Variants in OGA observed in about 807,000 individuals in gnomAD.
OGA encodes the protein O-GlcNAcase, also known as protein O-GlcNAcase.
OGA carries 21 observed loss-of-function variants against 102.0 expected under a neutral mutation model. That is an observed-to-expected ratio of 0.21 (90% CI 0.15 to 0.30). OGA has a LOEUF of 0.30. Ranked by LOEUF, OGA falls within the 10% of genes least tolerant of loss-of-function variation. The pLI is 1.00. For missense variants in OGA, 765 were observed against 1,107.8 expected (o/e 0.69, Z 4.39); for synonymous variants, 408 against 378.2 (o/e 1.08, Z -0.91).
At chr10:101,814,868 C>G (rs1589842789) in intron 1 of OGA, among the ~76,000 whole-genome samples, 1 of 152,292 alleles carries the variant, frequency 6.6e-6, no homozygotes, top group East Asian at 1.9e-4. Flanking sequence ...AACTCGCAGA[C>G]CGATAACCTA....
chr10:101,788,457 G>A (rs1244856110), intron 14 of OGA, among the ~76,000 whole-genome samples: 2 of 151,152 alleles, frequency 1.3e-5, no homozygotes, highest in Non-Finnish European at 2.9e-5. Flanking sequence ...TTCTGGCCAG[G>A]CGTGGTGGCT....
chr10:101,799,117 G>C lies in OGA; in HGVS notation c.1534C>G (p.Pro512Ala). 2 of 1,614,168 alleles carry C rather than the reference G, an allele frequency of 1.2e-6. No homozygotes were observed. The highest frequency in any genetic ancestry group is 1.7e-6 in the Non-Finnish European group (2 of 1,180,030). The change falls in exon 9 of 16, where the codon CCA (proline) becomes GCA (alanine). Residue 512 changes from proline (P) to alanine (A), a missense_variant. Physicochemically the swap from Pro to Ala is conservative, Grantham distance 27 (BLOSUM62 -1). This residue lies in a region of OGA where 281 missense variants were observed against 345.8 expected (regional missense o/e 0.81). Transcript: ENST00000361464. ...DKESIAESKS[P>A]EMSMQEDCIS... is the part of the protein sequence containing the mutation. ...CAATCTTCTTGCATGGACATCTCTG[G>C]GGATTTTGATTCAGCTATGCTCTCT...
chr10:101,790,265 G>GTTTTT (rs869235919), intron 14 of OGA, among the ~76,000 whole-genome samples: 14 of 86,426 alleles, frequency 1.6e-4, no homozygotes, highest in South Asian at 4.7e-4. Flanking sequence ...ATAATATCTT[G>GTTTTT]TTTTTTTTTT....
intron 6 of OGA, among the ~76,000 whole-genome samples, 197 bp downstream of exon 6, chr10:101,805,848 G>C (rs536842114): frequency 3.8e-4 from 58 of 152,078 alleles, no homozygotes; most frequent in African/African-American, 1.3e-3. Context: ...CCAGCTACTC[G>C]GGAGGCTGAG....
In OGA at chr10:101,818,411, T is replaced by C. The variant is rs370866400; in HGVS notation, c.-389A>G. ...TCCAAGCCCCGAGCTCTCCCTCTGC[T>C]GCTGCCTCCACCGCCCGCTTCCTGT... On this transcript the variant is annotated 5_prime_UTR_variant, in exon 1 of 16. Transcript: ENST00000361464. 2 of 1,018,170 alleles carry C rather than the reference T, an allele frequency of 2.0e-6. No homozygotes were observed. Among genetic ancestry groups the C allele is most frequent in the Admixed American group, 5.7e-5 (1 of 17,524 alleles). 63.1% of individuals were successfully genotyped at this position (1,018,170 alleles called of 1,614,324 possible). A position where few individuals can be genotyped will look rare whatever the true frequency, so the allele number is the denominator to read the frequency against.
rs752025208 is a variant in OGA at position 101,799,304 on chromosome 10, A to AGTAGGC, written c.1341_1346dup (p.Pro448_Thr449dup). The AGTAGGC allele has an allele frequency of 6.2e-7, 1 of 1,614,112 alleles. No homozygotes were observed. Among genetic ancestry groups the AGTAGGC allele is most frequent in the Non-Finnish European group, 8.5e-7 (1 of 1,180,008 alleles). On this transcript the variant is annotated inframe_insertion, in exon 9 of 16. Coordinates refer to ENST00000361464, the MANE Select transcript of OGA (RefSeq NM_012215.5). ...TCTTTTCTTCTTCCTTGGTCAGAGT[A>AGTAGGC]GTAGGCTCACCACTCAAGGCTGCTC...
In OGA at chr10:101,786,496, CATTTTTGCA is replaced by C; in HGVS notation, c.2697_2705del (p.Ile899_Lys901del). On this transcript the variant is annotated inframe_deletion, in exon 16 of 16. Coordinates refer to ENST00000361464, the MANE Select transcript of OGA (RefSeq NM_012215.5). Reference sequence around the variant, plus strand: ...TAACCACATCCTTTGGAAATCCTTCCATTTTTGCAATTTCAAAACATCCTAACTTGCTGT... The same window carrying C: ...TAACCACATCCTTTGGAAATCCTTCCATTTCAAAACATCCTAACTTGCTGT... 6.2e-7 allele frequency: 1 copy of C among 1,612,598 alleles called. No individual in the cohort carries two copies. Among genetic ancestry groups the C allele is most frequent in the Non-Finnish European group, 8.5e-7 (1 of 1,179,390 alleles).
intron 6 of OGA, among the ~76,000 whole-genome samples, 157 bp from the exon 7 acceptor site, chr10:101,804,176 T>C (rs1202594353): frequency 6.6e-6 from 1 of 151,850 alleles, no homozygotes; most frequent in Admixed American, 6.6e-5. Context: ...AGACCCTATC[T>C]TTTTATTTTA....
Position 101,817,903 on chromosome 10 carries a change from G to A in OGA, c.120C>T (p.Asp40=). The A allele has an allele frequency of 1.9e-6, 3 of 1,566,516 alleles. No homozygotes were observed. Among genetic ancestry groups the A allele is most frequent in the Middle Eastern group, 2.1e-4 (1 of 4,756 alleles). The change falls in exon 1 of 16, where the codon GAC becomes GAT. Residue 40 remains aspartate (D), a synonymous_variant. Coordinates refer to ENST00000361464, the MANE Select transcript of OGA (RefSeq NM_012215.5). ...EPPAAPAPGE[D]NPAGAGGAAV... is the part of the protein sequence containing the mutation. ...CCGCTCCCCCAGCCCCGGCGGGGTT[G>A]TCTTCTCCGGGTGCCGGAGCTGCCG...
intron 10 of OGA, chr10:101,797,205 AGCCT>A (rs1369382755): frequency 6.6e-6 from 1 of 152,166 alleles, no homozygotes; most frequent in African/African-American, 2.4e-5. Context: ...CATGTCAGTC[AGCCT>A]TGCTGCCTGC....
At position 101,785,306 on chromosome 10, in the gene OGA, A is replaced by C. The variant is rs1024812438; in HGVS notation, c.*1145T>G. The C allele has an allele frequency of 6.6e-6, 1 of 152,332 alleles. No homozygotes were observed. The highest frequency in any genetic ancestry group is 2.4e-5 in the African/African-American group (1 of 41,468). 9.4% of individuals were successfully genotyped at this position (152,332 alleles called of 1,614,324 possible). A position where few individuals can be genotyped will look rare whatever the true frequency, so the allele number is the denominator to read the frequency against. On this transcript the variant is annotated 3_prime_UTR_variant, in exon 16 of 16. Coordinates refer to ENST00000361464, the MANE Select transcript of OGA (RefSeq NM_012215.5). ...AAAGGTAACTGTAAATAACTGGTTAAAGTGTGCTCATTCATTCAGAAATTA... is the reference window on the plus strand; with the variant it reads ...AAAGGTAACTGTAAATAACTGGTTACAGTGTGCTCATTCATTCAGAAATTA...
intron 7 of OGA, 150 bp from the exon 8 acceptor site, chr10:101,800,550 T>C (rs1253921549): frequency 1.6e-6 from 1 of 630,008 alleles, no homozygotes; most frequent in Non-Finnish European, 2.7e-6. Flanking sequence ...AAAATTCAAA[T>C]AAAAGCAAGA....
At chr10:101,811,846 T>C (rs2065562642) in intron 3 of OGA, among the ~76,000 whole-genome samples, 2 of 152,228 alleles carry the variant, frequency 1.3e-5, no homozygotes, top group Non-Finnish European at 2.9e-5. Flanking sequence ...ACTACTAGTA[T>C]ATACTATAAG....
intron 5 of OGA, among the ~76,000 whole-genome samples, 183 bp from the exon 6 acceptor site, chr10:101,806,326 C>G (rs1194085681): frequency 1.3e-5 from 2 of 152,216 alleles, no homozygotes; most frequent in East Asian, 3.9e-4. Context: ...CCTCAGCCTC[C>G]CAAGCAGCTG....
At chr10:101,793,331 G>A (rs1204032984) in intron 11 of OGA, among the ~76,000 whole-genome samples, 1 of 152,166 alleles carries the variant, frequency 6.6e-6, no homozygotes, top group South Asian at 2.1e-4. Context: ...TCTGAAGAGG[G>A]TTATCTGTCC....
intron 14 of OGA, chr10:101,787,769 T>C: frequency 2.5e-6 from 1 of 405,182 alleles, no homozygotes; most frequent in Non-Finnish European, 4.6e-6. Flanking sequence ...GCTCTCTCTC[T>C]CTCTCTCTCT....
chr10:101,811,526 A>G (rs1017283851), intron 3 of OGA, among the ~76,000 whole-genome samples: 2 of 151,412 alleles, frequency 1.3e-5, no homozygotes, highest in Non-Finnish European at 2.9e-5. Flanking sequence ...AACATGGCAA[A>G]CCCCTCTCTC....
In OGA at chr10:101,803,755, A is replaced by G. The variant is rs1260871356; in HGVS notation, c.1016T>C (p.Val339Ala). The G allele has an allele frequency of 6.2e-7, 1 of 1,613,956 alleles. No homozygotes were observed. The highest frequency in any genetic ancestry group is 1.7e-5 in the Admixed American group (1 of 60,002). The change falls in exon 7 of 16, where the codon GTG becomes GCG. Residue 339 changes from valine (V) to alanine (A), a missense_variant. Val to Ala is a moderately conservative substitution (Grantham distance 64, BLOSUM62 0). Around this residue, in one of 7 missense-constraint regions of OGA, gnomAD observed 33 missense variants for 52.5 expected, o/e 0.63. Coordinates refer to ENST00000361464, the MANE Select transcript of OGA (RefSeq NM_012215.5). The stretch of plus-strand genomic sequence containing the variant: ...CTTACTCATCACTACATCTTTTCTC[A>G]CTCCATTCATGTTTGATTTGTACCA... The part of the protein sequence containing the change: ...ATWYKSNMNG[V>A]RKDVVMTDSE...
In OGA at chr10:101,817,867, C is replaced by G; in HGVS notation, c.156G>C (p.Gly52=). The change falls in exon 1 of 16, where the codon GGG becomes GGC. Residue 52 remains glycine (G), a synonymous_variant. Coordinates refer to ENST00000361464, the MANE Select transcript of OGA (RefSeq NM_012215.5). ...PAGAGGAAVA[G]AAGGARRFLC... Reference sequence around the variant, plus strand: ...GGAACCGCCGAGCCCCTCCTGCAGCCCCGGCCACCGCCGCTCCCCCAGCCC... The same window carrying G: ...GGAACCGCCGAGCCCCTCCTGCAGCGCCGGCCACCGCCGCTCCCCCAGCCC... 3 of 1,546,838 alleles carry G rather than the reference C, an allele frequency of 1.9e-6. No individual in the cohort carries two copies. Among genetic ancestry groups the G allele is most frequent in the Non-Finnish European group, 2.6e-6 (3 of 1,149,252 alleles).
Sources: gnomAD v4.1 joint callset for allele counts (sites outside exome capture counted in the v4.1 genomes callset) on GRCh38, gnomAD v4.1.1 for gene constraint, gnomAD v4.1.1 regional missense constraint, MANE v1.5 for transcripts, NCBI Gene and HGNC (gene_info 2026-07-23, HGNC 2026-07-21) for gene names.